CAMKK1: variants seen among roughly 807,000 people sequenced by gnomAD.
CAMKK1 encodes calcium/calmodulin-dependent protein kinase kinase 1.
Under a neutral mutation model 63.5 loss-of-function variants are expected in CAMKK1, and 20 were observed. The ratio of observed to expected loss-of-function variants is 0.32; its 90% CI spans 0.22 to 0.46. CAMKK1 has a LOEUF of 0.46. Ranked by LOEUF, CAMKK1 falls within the 20% of genes least tolerant of loss-of-function variation. The pLI is 1.00. For synonymous variants in CAMKK1, 253 were observed against 269.0 expected, an observed-to-expected ratio of 0.94 and a Z score of 0.58; for missense variants, 588 against 658.1, an observed-to-expected ratio of 0.89 and a Z score of 1.17.
At position 3,887,488 on chromosome 17, in the gene CAMKK1, G is replaced by A. The variant is rs1471861229; in HGVS notation, c.-43-1758C>T. On this transcript the variant is annotated intron_variant, in intron 1 of 15. Coordinates refer to ENST00000348335, the MANE Select transcript of CAMKK1 (RefSeq NM_032294.3). The surrounding 1 kb of genome is among the most constrained non-coding windows in gnomAD (Gnocchi z 6.1). ...GGCCTCCCTGGAGGAGGTGAAGGAGGTGAGGAGGCTGAGTGAGGCTAGAGT... is the reference window on the plus strand; with the variant it reads ...GGCCTCCCTGGAGGAGGTGAAGGAGATGAGGAGGCTGAGTGAGGCTAGAGT... 6.6e-6 allele frequency among the ~76,000 whole-genome samples: 1 copy of A among 150,656 alleles called. No individual in the cohort carries two copies. The highest frequency in any genetic ancestry group is 1.5e-5 in the Non-Finnish European group (1 of 67,518).
At chr17:3,871,333 G>GTTTTTTTTTTTTGT (rs2054840271) in intron 12 of CAMKK1, among the ~76,000 whole-genome samples, 1 of 111,006 alleles carries the variant, frequency 9.0e-6, no homozygotes, top group Non-Finnish European at 1.9e-5. Context: ...GTTGTTTTTT[G>GTTTTTTTTTTTTGT]TTTTTTTTTT....
At chr17:3,877,348 A>G (rs2055212969) in intron 9 of CAMKK1, among the ~76,000 whole-genome samples, 1 of 152,116 alleles carries the variant, frequency 6.6e-6, no homozygotes, top group Non-Finnish European at 1.5e-5. Context: ...ATATAGTAGG[A>G]CGAATCCCAA....
rs890838644 is a variant in CAMKK1 at position 3,861,226 on chromosome 17, T to A, written c.*985A>T. The A allele has an allele frequency of 3.9e-5, 6 of 152,156 alleles. No homozygotes were observed. The highest frequency in any genetic ancestry group is 1.5e-4 in the African/African-American group (6 of 41,372). 9.4% of individuals were successfully genotyped at this position (152,156 alleles called of 1,614,324 possible). Reference sequence around the variant, plus strand: ...GACAGTTTGTCCTTCGTTGTAGGAGTGTGAGTGCAGCTCTTGGGCCCAGAT... The same window carrying A: ...GACAGTTTGTCCTTCGTTGTAGGAGAGTGAGTGCAGCTCTTGGGCCCAGAT... On this transcript the variant is annotated 3_prime_UTR_variant, in exon 16 of 16. Transcript: ENST00000348335.
Position 3,884,064 on chromosome 17 carries a change from C to G in CAMKK1, c.409-127G>C, listed in dbSNP as rs2055535785. 1 of 924,862 alleles carries G rather than the reference C, an allele frequency of 1.1e-6. No individual in the cohort carries two copies. The highest frequency in any genetic ancestry group is 1.7e-6 in the Non-Finnish European group (1 of 586,380). The allele number at this position is 924,862 out of a possible 1,614,324, so 57.3% of individuals were successfully genotyped here. On this transcript the variant is annotated intron_variant, in intron 3 of 15. Transcript: ENST00000348335. The surrounding 1 kb of genome is among the most constrained non-coding windows in gnomAD (Gnocchi z 4.5). Reference sequence around the variant, plus strand: ...ATCTGCACTACCCACCACCAGCTGGCTCACGGGCAAATATTGTAGCAGATG... The same window carrying G: ...ATCTGCACTACCCACCACCAGCTGGGTCACGGGCAAATATTGTAGCAGATG...
At chr17:3,865,239 T>C in intron 15 of CAMKK1, 5 of 985,720 alleles carry the variant, frequency 5.1e-6, no homozygotes, top group Non-Finnish European at 6.0e-6. Flanking sequence ...GAGCTGCTTT[T>C]CTGGACCCTC....
chr17:3,882,565 C>T lies in CAMKK1; in HGVS notation c.649-1G>A. On this transcript the variant is annotated splice_acceptor_variant, in intron 6 of 15. Coordinates refer to ENST00000348335, the MANE Select transcript of CAMKK1 (RefSeq NM_032294.3). LOFTEE classifies it high-confidence loss of function. The surrounding 1 kb of genome is among the most constrained non-coding windows in gnomAD (Gnocchi z 4.3). ...TGTCCTCAGCTGGGTCATCCAGGAC[C>T]TGGTCAGAGGGAGCAGACATGGGGG... 1.3e-6 allele frequency: 2 copies of T among 1,592,918 alleles called. No individual in the cohort carries two copies. The highest frequency in any genetic ancestry group is 1.7e-6 in the Non-Finnish European group (2 of 1,169,396).
At chr17:3,865,172 G>A (rs1730773368) in intron 15 of CAMKK1, 2 of 985,596 alleles carry the variant, frequency 2.0e-6, no homozygotes, top group African/African-American at 1.7e-5. Flanking sequence ...ATCCCAGACT[G>A]GCTTTTATTA....
Position 3,876,371 on chromosome 17 carries a change from A to G in CAMKK1, c.848T>C (p.Leu283Pro). ...HRDIKPSNLL[L>P]GDDGHVKIAD... is the part of the protein sequence containing the mutation. ...GATCTTCACGTGCCCATCATCCCCC[A>G]GGAGCAGGTTGGATGGCTTGATGTC... Residue 283 changes from leucine to proline, a missense_variant, in exon 10 of 16, where the codon CTG becomes CCG. Around this residue, in one of 3 missense-constraint regions of CAMKK1, gnomAD observed 357 missense variants for 407.4 expected, o/e 0.88. Transcript: ENST00000348335. 1 of 1,614,202 alleles carries G rather than the reference A, an allele frequency of 6.2e-7. No homozygotes were observed.
intron 12 of CAMKK1, 28 bp from the exon 13 acceptor site, chr17:3,869,916 G>A (rs1041854159): frequency 3.1e-6 from 5 of 1,588,440 alleles, no homozygotes; most frequent in Non-Finnish European, 4.3e-6. Flanking sequence ...AGGAGAGGAG[G>A]GTGGGACCGC....
At chr17:3,866,470 G>A (rs1459359726) in intron 14 of CAMKK1, among the ~76,000 whole-genome samples, 2 of 152,258 alleles carry the variant, frequency 1.3e-5, no homozygotes. Context: ...CTGCCAGGAG[G>A]GGAACAGCTG....
intron 10 of CAMKK1, among the ~76,000 whole-genome samples, chr17:3,873,770 C>T (rs868041184): frequency 4.6e-5 from 7 of 152,132 alleles, no homozygotes; most frequent in African/African-American, 9.7e-5. Flanking sequence ...GGGCCGCTCC[C>T]GTGCCACAGA....
At position 3,884,559 on chromosome 17, in the gene CAMKK1, T is replaced by G. The variant is rs2055561235; in HGVS notation, c.361-132A>C. On this transcript the variant is annotated intron_variant, in intron 2 of 15. Coordinates refer to ENST00000348335, the MANE Select transcript of CAMKK1 (RefSeq NM_032294.3). The surrounding 1 kb of genome is among the most constrained non-coding windows in gnomAD (Gnocchi z 4.5). ...GGACCCCCAGGTCTCACCAAGCTTT[T>G]GAGTTTGGATGGGGAAGTTGGTGGT... The G allele has an allele frequency of 4.0e-6, 3 of 749,624 alleles. No individual in the cohort carries two copies. The highest frequency in any genetic ancestry group is 6.4e-6 in the Non-Finnish European group (3 of 472,324). 46.4% of individuals were successfully genotyped at this position (749,624 alleles called of 1,614,324 possible). A position where few individuals can be genotyped will look rare whatever the true frequency, so the allele number is the denominator to read the frequency against.
At chr17:3,873,224 C>T (rs1299055726) in intron 11 of CAMKK1, among the ~76,000 whole-genome samples, 185 bp downstream of exon 11, 1 of 152,238 alleles carries the variant, frequency 6.6e-6, no homozygotes, top group Non-Finnish European at 1.5e-5. Flanking sequence ...CCTGCGACTC[C>T]TTCGCGAGAA....
At chr17:3,886,481 A>C (rs142071951) in intron 1 of CAMKK1, among the ~76,000 whole-genome samples, 10,328 of 152,034 alleles carry the variant, frequency 0.068, 382 homozygotes, top group East Asian at 0.18. Flanking sequence ...AAAATACAAA[A>C]ATTAGCCAGG....
chr17:3,867,080 T>C (rs1327877105), intron 14 of CAMKK1, among the ~76,000 whole-genome samples: 1 of 152,082 alleles, frequency 6.6e-6, no homozygotes, highest in African/African-American at 2.4e-5. Flanking sequence ...GAAAAATCAG[T>C]AAATTATGTA....
In CAMKK1 at chr17:3,887,917, G is replaced by A. The variant is rs373934272; in HGVS notation, c.-43-2187C>T. On this transcript the variant is annotated intron_variant, in intron 1 of 15. Transcript: ENST00000348335. The surrounding 1 kb of genome is among the most constrained non-coding windows in gnomAD (Gnocchi z 6.1). ...CCTTGTTTTTCCCTCCCGAATGTAA[G>A]TTTCATGAGATTAGGACGCTCATCT... Among the ~76,000 whole-genome samples, 5 of 152,244 alleles carry A rather than the reference G, an allele frequency of 3.3e-5. No homozygotes were observed. The South Asian group carries it at 1.0e-3, about 32-fold the overall frequency.
chr17:3,868,107 GCGCCGTCT>G (rs1437954604), intron 14 of CAMKK1, among the ~76,000 whole-genome samples: 1,586 of 82,012 alleles, frequency 0.019, 620 homozygotes, highest in East Asian at 0.027. Context: ...GGAGAAGCAG[GCGCCGTCT>G]AACTGATACG....
chr17:3,890,605 CCTGA>C lies in CAMKK1; in HGVS notation c.-44+2330_-44+2333del. ...GGGTACCACACCCTCCCCATTCTTT[CCTGA>C]CCCAGGTCAGCAATCCGGGAGCCCT... On this transcript the variant is annotated intron_variant, in intron 1 of 15. Transcript: ENST00000348335. This position sits in a 1 kb window ranked among gnomAD's most constrained non-coding sequence, Gnocchi z 6.5. 4 of 778,506 alleles carry C rather than the reference CCTGA, an allele frequency of 5.1e-6. No individual in the cohort carries two copies. The highest frequency in any genetic ancestry group is 7.2e-6 in the Non-Finnish European group (3 of 417,094). 48.2% of individuals were successfully genotyped at this position (778,506 alleles called of 1,614,324 possible).
intron 12 of CAMKK1, among the ~76,000 whole-genome samples, chr17:3,870,428 C>T (rs949612326): frequency 2.0e-5 from 3 of 151,732 alleles, no homozygotes; most frequent in Non-Finnish European, 4.4e-5. Context: ...TGCAGTGGCG[C>T]AATCTCGGCT....
Sources: allele counts gnomAD v4.1 joint callset (sites outside exome capture counted in the v4.1 genomes callset), GRCh38; gene constraint gnomAD v4.1.1; regional missense constraint gnomAD v4.1.1; non-coding constraint Gnocchi (gnomAD v3.1); transcripts MANE v1.5; gene names NCBI Gene and HGNC (gene_info 2026-07-23, HGNC 2026-07-21).